Variants in OTUD6B observed in about 807,000 individuals in gnomAD.
OTUD6B encodes the protein OTU deubiquitinase 6B.
In OTUD6B, 41 loss-of-function variants were observed where a neutral mutation model predicts 36.9. The ratio of observed to expected loss-of-function variants is 1.11; its 90% CI spans 0.87 to 1.44. The LOEUF is 1.44. OTUD6B is among the 40% of genes most tolerant of loss of function. The pLI, the probability that OTUD6B is intolerant of heterozygous loss-of-function variation, is 0.00. For missense variants in OTUD6B, 356 were observed against 344.8 expected (o/e 1.03, Z -0.26); for synonymous variants, 114 against 114.2 (o/e 1.00, Z 0.01).
At chr8:91,081,456 GT>G (rs1321619223) in intron 5 of OTUD6B, among the ~76,000 whole-genome samples, 1 of 151,626 alleles carries the variant, frequency 6.6e-6, no homozygotes, top group African/African-American at 2.4e-5. Flanking sequence ...AAGAAAGAAA[GT>G]TCTGGGTTCA....
At chr8:91,072,043 T>C (rs764639455) in intron 2 of OTUD6B, among the ~76,000 whole-genome samples, 39 of 152,248 alleles carry the variant, frequency 2.6e-4, no homozygotes, top group Non-Finnish European at 5.0e-4. Flanking sequence ...AAGTGCTTTA[T>C]TAACAAGTTG....
In OTUD6B at chr8:91,084,928, A is replaced by G. The variant is rs1298558962; in HGVS notation, c.*60A>G. 3 of 831,890 alleles carry G rather than the reference A, an allele frequency of 3.6e-6. No homozygotes were observed. The East Asian group carries it at 9.2e-5, about 25-fold the overall frequency. The allele number at this position is 831,890 out of a possible 1,614,324, so 51.5% of individuals were successfully genotyped here. On this transcript the variant is annotated 3_prime_UTR_variant, in exon 7 of 7. Transcript: ENST00000404789. ...GTGTGCTGAACTGAGTATTTCTACC[A>G]AGTGTTGGGTTGTTCTAAATGCTAC...
intron 2 of OTUD6B, among the ~76,000 whole-genome samples, chr8:91,073,069 T>C (rs973458668): frequency 5.9e-5 from 9 of 152,194 alleles, no homozygotes; most frequent in Admixed American, 1.3e-4. Flanking sequence ...AGCCACTCTT[T>C]GAAGTCTCTA....
At position 91,084,918 on chromosome 8, in the gene OTUD6B, T is replaced by C; in HGVS notation, c.*50T>C. 1.1e-6 allele frequency: 1 copy of C among 898,956 alleles called. No homozygotes were observed. The highest frequency in any genetic ancestry group is 1.7e-6 in the Non-Finnish European group (1 of 602,698). 55.7% of individuals were successfully genotyped at this position (898,956 alleles called of 1,614,324 possible). On this transcript the variant is annotated 3_prime_UTR_variant, in exon 7 of 7. Coordinates refer to ENST00000404789, the MANE Select transcript of OTUD6B (RefSeq NM_016023.5). ...TTTTAATACAGTGTGCTGAACTGAG[T>C]ATTTCTACCAAGTGTTGGGTTGTTC...
intron 2 of OTUD6B, 111 bp downstream of exon 2, chr8:91,071,400 C>T (rs1812695794): frequency 1.2e-5 from 10 of 865,414 alleles, no homozygotes; most frequent in Non-Finnish European, 1.5e-5. Context: ...TCTCGCTTTG[C>T]AAAACACGCT....
At position 91,087,023 on chromosome 8, in the gene OTUD6B, G is replaced by A. The variant is rs1027109994; in HGVS notation, c.*2155G>A. 1.3e-5 allele frequency: 2 copies of A among 151,734 alleles called. No homozygotes were observed. Among genetic ancestry groups the A allele is most frequent in the Admixed American group, 1.3e-4 (2 of 15,218 alleles). The allele number at this position is 151,734 out of a possible 1,614,324, so 9.4% of individuals were successfully genotyped here. A position where few individuals can be genotyped will look rare whatever the true frequency, so the allele number is the denominator to read the frequency against. On this transcript the variant is annotated 3_prime_UTR_variant, in exon 7 of 7. Transcript: ENST00000404789. ...AAAAAAGAATGTGTGTAACTATAGT[G>A]AACGCATAGTTTTGCTTATATTATG...
At position 91,070,452 on chromosome 8, in the gene OTUD6B, A is replaced by G; in HGVS notation, c.68A>G (p.Lys23Arg). 1.3e-6 allele frequency: 2 copies of G among 1,574,136 alleles called. No homozygotes were observed. The highest frequency in any genetic ancestry group is 1.7e-6 in the Non-Finnish European group (2 of 1,159,370). ...CTGCTGAGAAGGCATCGCAAAGAGA[A>G]GAAGGAGTTGCAAGGTGAGGCGGAA... is the stretch of plus-strand genomic sequence containing the variant. Reference protein sequence around the residue: ...EQLLRRHRKEKKELQAKIQGM... With the variant: ...EQLLRRHRKERKELQAKIQGM... The change falls in exon 1 of 7, where the codon AAG (lysine) becomes AGG (arginine). Residue 23 changes from lysine (K) to arginine (R), a missense_variant. Transcript: ENST00000404789.
Position 91,085,387 on chromosome 8 carries a change from C to T in OTUD6B, c.*519C>T, listed in dbSNP as rs1812995451. 6.6e-6 allele frequency: 1 copy of T among 151,776 alleles called. No individual in the cohort carries two copies. The highest frequency in any genetic ancestry group is 2.1e-4 in the South Asian group (1 of 4,822). The allele number at this position is 151,776 out of a possible 1,614,324, so 9.4% of individuals were successfully genotyped here. ...AGACTAATGCAGTGAAGCTTTATTA[C>T]TAATATATATAGCCTTATCAAAGCA... is the stretch of plus-strand genomic sequence containing the variant. On this transcript the variant is annotated 3_prime_UTR_variant, in exon 7 of 7. Transcript: ENST00000404789.
intron 5 of OTUD6B, among the ~76,000 whole-genome samples, chr8:91,083,605 C>T (rs1812948892): frequency 6.6e-6 from 1 of 152,094 alleles, no homozygotes; most frequent in African/African-American, 2.4e-5. Context: ...CTTTATGTGA[C>T]AGGTCACAGT....
chr8:91,074,283 A>T (rs956139734), intron 3 of OTUD6B, among the ~76,000 whole-genome samples: 5 of 152,120 alleles, frequency 3.3e-5, no homozygotes, highest in Non-Finnish European at 1.5e-5. Context: ...CCAGACTTAA[A>T]AATTCAGAAT....
chr8:91,073,148 C>T (rs1586203110), intron 2 of OTUD6B, among the ~76,000 whole-genome samples: 1 of 152,180 alleles, frequency 6.6e-6, no homozygotes, highest in East Asian at 1.9e-4. Context: ...TATTAAAGGC[C>T]TTGAGTTGTT....
intron 3 of OTUD6B, 99 bp from the exon 4 acceptor site, chr8:91,078,257 A>G: frequency 6.9e-7 from 1 of 1,449,202 alleles, no homozygotes; most frequent in Admixed American, 2.8e-5. Flanking sequence ...GAGAATAAAC[A>G]CCGGAAAGTT....
chr8:91,078,657 T>A lies in OTUD6B; in HGVS notation c.617T>A (p.Met206Lys). 6.4e-7 allele frequency: 1 copy of A among 1,552,368 alleles called. No homozygotes were observed. The highest frequency in any genetic ancestry group is 8.7e-7 in the Non-Finnish European group (1 of 1,145,114). The change falls in exon 4 of 7, where the codon ATG becomes AAG. Residue 206 changes from methionine (M) to lysine (K), a missense_variant. Coordinates refer to ENST00000404789, the MANE Select transcript of OTUD6B (RefSeq NM_016023.5). ...PFLTNPNTGD[M>K]YTPEEFQKYC... ...TTAACAAACCCTAATACAGGAGATA[T>A]GTATACTCCAGGTAATTTATTTTTC...
At chr8:91,073,806 T>C in intron 2 of OTUD6B, 25 bp from the exon 3 acceptor site, 2 of 1,545,588 alleles carry the variant, frequency 1.3e-6, no homozygotes, top group Non-Finnish European at 1.8e-6. Flanking sequence ...TACATTGACT[T>C]GTTAATGCTT....
At chr8:91,074,250 G>A (rs1812760283) in intron 3 of OTUD6B, among the ~76,000 whole-genome samples, 1 of 151,880 alleles carries the variant, frequency 6.6e-6, no homozygotes, top group African/African-American at 2.4e-5. Context: ...GTGCAAAGTA[G>A]TTTTTTTTAC....
At chr8:91,078,144 A>G (rs1292327417) in intron 3 of OTUD6B, 3 of 549,206 alleles carry the variant, frequency 5.5e-6, no homozygotes, top group Non-Finnish European at 6.9e-6. Context: ...AATGTCCAGT[A>G]TAGAGCAAGG....
chr8:91,084,694 C>A, intron 6 of OTUD6B, 90 bp from the exon 7 acceptor site: 1 of 1,190,388 alleles, frequency 8.4e-7, no homozygotes, highest in Non-Finnish European at 1.1e-6. Context: ...CATTCAGAAT[C>A]ATTGGTTTAT....
intron 2 of OTUD6B, among the ~76,000 whole-genome samples, chr8:91,072,574 A>G (rs1490087098): frequency 6.6e-6 from 1 of 152,198 alleles, no homozygotes; most frequent in Admixed American, 6.5e-5. Flanking sequence ...TGGTCCTTAC[A>G]TTAAATATAG....
intron 4 of OTUD6B, among the ~76,000 whole-genome samples, chr8:91,079,694 A>C (rs751613588): frequency 2.6e-5 from 4 of 152,054 alleles, no homozygotes; most frequent in Non-Finnish European, 4.4e-5. Context: ...CAATGTGATA[A>C]ATGACTCTTC....
Sources: gnomAD v4.1 joint callset for allele counts (sites outside exome capture counted in the v4.1 genomes callset) on GRCh38, gnomAD v4.1.1 for gene constraint, MANE v1.5 for transcripts, NCBI Gene and HGNC (gene_info 2026-07-23, HGNC 2026-07-21) for gene names.